The following THSD4 variants were observed in gnomAD, a reference collection of about 807,000 sequenced individuals.
THSD4 encodes the protein thrombospondin type 1 domain containing 4, also known as thrombospondin type-1 domain-containing protein 4.
Under a neutral mutation model 119.0 loss-of-function variants are expected in THSD4, and 69 were observed. The observed-to-expected ratio is 0.58, with a 90% CI of 0.48 to 0.71. THSD4 has a LOEUF of 0.71. THSD4 is among the 30% of genes least tolerant of loss of function. THSD4 has a pLI of 0.00. For synonymous variants in THSD4, 524 were observed against 540.4 expected (o/e 0.97, Z 0.42); for missense variants, 1,393 against 1,391.1 (o/e 1.00, Z -0.02).
At chr15:71,298,922 CT>C (rs991905672) in intron 6 of THSD4, among the ~76,000 whole-genome samples, 8 of 152,178 alleles carry the variant, frequency 5.3e-5, no homozygotes, top group African/African-American at 1.2e-4. Context: ...CAGTGCTGAC[CT>C]TTTATTTCAA....
At chr15:71,246,099 G>A (rs1228386607) in intron 5 of THSD4, among the ~76,000 whole-genome samples, 4 of 152,256 alleles carry the variant, frequency 2.6e-5, no homozygotes, top group African/African-American at 9.6e-5. Context: ...CTTTGACACG[G>A]AGGAACTGAG....
intron 8 of THSD4, among the ~76,000 whole-genome samples, chr15:71,676,540 A>G (rs1308959739): frequency 6.6e-6 from 1 of 152,160 alleles, no homozygotes; most frequent in Non-Finnish European, 1.5e-5. Flanking sequence ...TCGGCCTCCC[A>G]AAGTGCTGGG....
intron 7 of THSD4, among the ~76,000 whole-genome samples, chr15:71,623,441 C>T (rs578189130): frequency 2.9e-4 from 44 of 152,316 alleles, no homozygotes; most frequent in Middle Eastern, 3.4e-3. Context: ...CGTAAGTAAA[C>T]AGTAGAGCCA....
chr15:71,310,632 C>G (rs1453016232), intron 6 of THSD4, among the ~76,000 whole-genome samples: 3 of 152,132 alleles, frequency 2.0e-5, no homozygotes, highest in Admixed American at 2.0e-4. Flanking sequence ...TGGGTGACCT[C>G]TCTGGAATGG....
intron 3 of THSD4, among the ~76,000 whole-genome samples, chr15:71,161,265 T>C (rs1418700983): frequency 6.6e-6 from 1 of 152,098 alleles, no homozygotes; most frequent in Non-Finnish European, 1.5e-5. Context: ...GTTAGGTCCA[T>C]TTGGTCTATG....
intron 6 of THSD4, among the ~76,000 whole-genome samples, chr15:71,321,531 G>A (rs920414241): frequency 2.6e-5 from 4 of 152,114 alleles, no homozygotes; most frequent in East Asian, 1.9e-4. Flanking sequence ...GCGAGATTCC[G>A]TCTCCAAAAT....
chr15:71,518,826 A>C lies in THSD4; in HGVS notation c.1152+107003A>C, dbSNP rs142278167. ...TTGTTCTGTGTTGGTTTATTCAGCA[A>C]ATGTTTATTGGTGGTTACTGTGGCC... is the stretch of plus-strand genomic sequence containing the variant. On this transcript the variant is annotated intron_variant, in intron 7 of 17. Coordinates refer to ENST00000261862, the MANE Select transcript of THSD4 (RefSeq NM_024817.3). Among the ~76,000 whole-genome samples the C allele has an allele frequency of 3.2e-3, 490 of 152,324 alleles. 13 individuals carry two copies. Among genetic ancestry groups the C allele is most frequent in the Admixed American group, 0.03 (452 of 15,298 alleles).
At chr15:71,735,738 G>C (rs2053078274) in intron 10 of THSD4, among the ~76,000 whole-genome samples, 1 of 132,736 alleles carries the variant, frequency 7.5e-6, no homozygotes, top group Admixed American at 7.4e-5. Context: ...TTCTGTCACT[G>C]TCCCTGTCTC....
At chr15:71,569,825 C>A (rs1217907145) in intron 7 of THSD4, among the ~76,000 whole-genome samples, 1 of 152,148 alleles carries the variant, frequency 6.6e-6, no homozygotes, top group Non-Finnish European at 1.5e-5. Flanking sequence ...GAAACCCTAT[C>A]TCTACTAAAA....
At chr15:71,246,292 C>G (rs549037154) in intron 5 of THSD4, among the ~76,000 whole-genome samples, 14 of 152,172 alleles carry the variant, frequency 9.2e-5, no homozygotes, top group African/African-American at 2.4e-4. Flanking sequence ...GGCATACCCC[C>G]CTTTAGATAG....
chr15:71,382,539 T>A (rs558752878), intron 6 of THSD4, among the ~76,000 whole-genome samples: 35 of 152,332 alleles, frequency 2.3e-4, no homozygotes, highest in Non-Finnish European at 4.0e-4. Context: ...TCATTCCTTC[T>A]GAAACCACCT....
intron 6 of THSD4, among the ~76,000 whole-genome samples, chr15:71,261,871 G>A (rs1319416588): frequency 6.6e-6 from 1 of 152,212 alleles, no homozygotes. Context: ...TGCCTAGAAG[G>A]AGAGAGGAAG....
intron 6 of THSD4, among the ~76,000 whole-genome samples, chr15:71,279,329 G>A (rs924242475): frequency 6.6e-6 from 1 of 152,156 alleles, no homozygotes; most frequent in Non-Finnish European, 1.5e-5. Context: ...GCGGCTTTGC[G>A]TGCTTAAAAG....
intron 8 of THSD4, among the ~76,000 whole-genome samples, chr15:71,691,015 G>A (rs2052037875): frequency 6.6e-6 from 1 of 152,320 alleles, no homozygotes; most frequent in African/African-American, 2.4e-5. Flanking sequence ...GATTATCCAG[G>A]TGAGTCCAGT....
chr15:71,128,356 A>G (rs1284063614), intron 1 of THSD4, among the ~76,000 whole-genome samples: 2 of 152,016 alleles, frequency 1.3e-5, no homozygotes, highest in African/African-American at 2.4e-5. Context: ...GTGAAATCCA[A>G]TCTCTACTAA....
chr15:71,401,651 G>A (rs2046534462), intron 6 of THSD4, among the ~76,000 whole-genome samples: 1 of 152,068 alleles, frequency 6.6e-6, no homozygotes, highest in African/African-American at 2.4e-5. Flanking sequence ...TACACTGTTG[G>A]TGGGAGTGTA....
intron 1 of THSD4, among the ~76,000 whole-genome samples, chr15:71,098,979 G>T (rs2040243099): frequency 6.6e-6 from 1 of 152,142 alleles, no homozygotes; most frequent in Admixed American, 6.5e-5. Flanking sequence ...AATAAAATTT[G>T]TTCTCAATTG....
At chr15:71,155,932 C>T (rs1336502061) in intron 3 of THSD4, among the ~76,000 whole-genome samples, 1 of 152,138 alleles carries the variant, frequency 6.6e-6, no homozygotes, top group Non-Finnish European at 1.5e-5. Flanking sequence ...CAAAGGCCAG[C>T]CTCCCGGGCC....
chr15:71,727,571 T>TACACACACAC (rs2052877901), intron 8 of THSD4, among the ~76,000 whole-genome samples: 4 of 33,670 alleles, frequency 1.2e-4, no homozygotes, highest in African/African-American at 3.9e-4. Context: ...TATATATATA[T>TACACACACAC]ATATATATAT....
Sources: allele counts gnomAD v4.1 joint callset (sites outside exome capture counted in the v4.1 genomes callset), GRCh38; gene constraint gnomAD v4.1.1; transcripts MANE v1.5; gene names NCBI Gene and HGNC (gene_info 2026-07-23, HGNC 2026-07-21).